The following PRMT2 variants were observed in gnomAD, a reference collection of about 807,000 sequenced individuals.
PRMT2 encodes the protein protein arginine N-methyltransferase 2.
PRMT2 carries 26 observed loss-of-function variants against 57.6 expected under a neutral mutation model. That is an observed-to-expected ratio of 0.45 (90% CI 0.33 to 0.63). The LOEUF is 0.63. Among genes scored for constraint, PRMT2 ranks in the 20% least tolerant of loss-of-function variants. The pLI is 0.02. For missense variants in PRMT2, 472 were observed against 564.4 expected (o/e 0.84, Z 1.66); for synonymous variants, 219 against 220.0 (o/e 1.00, Z 0.04).
At chr21:46,660,228 A>G (rs994389964) in intron 8 of PRMT2, 16 of 935,430 alleles carry the variant, frequency 1.7e-5, no homozygotes, top group Non-Finnish European at 2.0e-5. Flanking sequence ...GCAGCCAGTG[A>G]TGGGGGTTGG....
At chr21:46,647,285 C>G (rs191656630) in intron 5 of PRMT2, among the ~76,000 whole-genome samples, 9 of 150,916 alleles carry the variant, frequency 6.0e-5, no homozygotes, top group Admixed American at 4.0e-4. Flanking sequence ...TTTGTTGATT[C>G]GTGTGTTAAG....
At chr21:46,659,774 G>A in intron 8 of PRMT2, 1 of 985,422 alleles carries the variant, frequency 1.0e-6, no homozygotes, top group Non-Finnish European at 1.2e-6. Context: ...GAAGCCAGTG[G>A]CCGTCCAGAG....
rs1175412058 is a variant in PRMT2, at chr21:46,664,619, C to T, written c.*292C>T. 2.3e-5 allele frequency: 12 copies of T among 512,036 alleles called. No homozygotes were observed. Among genetic ancestry groups the T allele is most frequent in the African/African-American group, 3.8e-5 (2 of 52,070 alleles). The allele number at this position is 512,036 out of a possible 1,614,324, so 31.7% of individuals were successfully genotyped here. On this transcript the variant is annotated 3_prime_UTR_variant, in exon 12 of 12. Coordinates refer to ENST00000355680, the MANE Select transcript of PRMT2 (RefSeq NM_206962.4). ...CCACAGTGCCGACCCGTGGCTGGGT[C>T]GGAGCTCCATGTTCCTAAGCTAGGT...
At chr21:46,661,424 C>G in intron 9 of PRMT2, 1 of 172,868 alleles carries the variant, frequency 5.8e-6, no homozygotes, top group East Asian at 1.5e-4. Flanking sequence ...TGCCTGGCGC[C>G]CCAGCTGGCG....
At chr21:46,657,276 C>T (rs928756237) in intron 7 of PRMT2, 2 of 152,038 alleles carry the variant, frequency 1.3e-5, no homozygotes, top group Non-Finnish European at 2.9e-5. Flanking sequence ...TCACCTTATG[C>T]CCAGGAGTCC....
chr21:46,645,289 A>G (rs2061346468), intron 5 of PRMT2, among the ~76,000 whole-genome samples: 2 of 152,208 alleles, frequency 1.3e-5, no homozygotes, highest in Non-Finnish European at 2.9e-5. Flanking sequence ...AATAGAAAAA[A>G]TTCTATAAAT....
chr21:46,649,495 A>G lies in PRMT2; in HGVS notation c.490-80A>G. ...CTTGTGTCATTGACCATTTCTCGTG[A>G]TGCTGGTTGTGACTCAGGAGAGTAG... On this transcript the variant is annotated intron_variant, in intron 6 of 11. Coordinates refer to ENST00000355680, the MANE Select transcript of PRMT2 (RefSeq NM_206962.4). This position sits in a 1 kb window ranked among gnomAD's most constrained non-coding sequence, Gnocchi z 4.8. 6.2e-7 allele frequency: 1 copy of G among 1,602,454 alleles called. No individual in the cohort carries two copies. Among genetic ancestry groups the G allele is most frequent in the South Asian group, 1.1e-5 (1 of 90,660 alleles).
rs376594853 is a variant in PRMT2 at position 46,659,690 on chromosome 21, C to T, written c.830+770C>T. ...GGCAGGGAGGTGTGGCTGCCAGGGC[C>T]TTAGAGGTTGGCATCAGGCTGCCCA... On this transcript the variant is annotated intron_variant, in intron 8 of 11. Coordinates refer to ENST00000355680, the MANE Select transcript of PRMT2 (RefSeq NM_206962.4). The T allele has an allele frequency of 1.0e-4, 101 of 985,216 alleles. No individual in the cohort carries two copies. The East Asian group carries it at 7.0e-3, about 69-fold the overall frequency. 61.0% of individuals were successfully genotyped at this position (985,216 alleles called of 1,614,324 possible).
chr21:46,652,532 A>T, intron 7 of PRMT2: 1 of 985,438 alleles, frequency 1.0e-6, no homozygotes, highest in Non-Finnish European at 1.2e-6. Context: ...TTTGAAAGTA[A>T]CTGTAATAGT....
intron 7 of PRMT2, chr21:46,654,121 C>T: frequency 1.0e-6 from 1 of 985,236 alleles, no homozygotes; most frequent in Non-Finnish European, 1.2e-6. Context: ...AGACCAGGCA[C>T]CAAATTTTTT....
rs1483078533 is a variant in PRMT2 at position 46,644,336 on chromosome 21, A to C, written c.175A>C (p.Ile59Leu). 2.5e-6 allele frequency: 4 copies of C among 1,605,598 alleles called. No homozygotes were observed. ...TTTTTTGAGAGGAGAAAAAATTCTT[A>C]TCCTGAGACAAACCACTGCAGATTG... ...LSFLRGEKIL[I>L]LRQTTADWWW... is the part of the protein sequence containing the mutation. Residue 59 changes from isoleucine to leucine, a missense_variant, in exon 5 of 12, where the codon ATC becomes CTC. Physicochemically the swap from Ile to Leu is conservative, Grantham distance 5. This residue lies in a region of PRMT2 where 243 missense variants were observed against 347.2 expected (regional missense o/e 0.70). Coordinates refer to ENST00000355680, the MANE Select transcript of PRMT2 (RefSeq NM_206962.4).
intron 3 of PRMT2, among the ~76,000 whole-genome samples, chr21:46,641,783 C>A (rs944552223): frequency 2.0e-5 from 3 of 149,980 alleles, no homozygotes; most frequent in Admixed American, 6.7e-5. Flanking sequence ...GTGACATGGG[C>A]ATGGTGGAGG....
intron 7 of PRMT2, chr21:46,653,007 C>G: frequency 8.5e-7 from 1 of 1,182,576 alleles, no homozygotes; most frequent in Non-Finnish European, 1.1e-6. Context: ...CTCCATTGCA[C>G]ATTTGGTAGA....
chr21:46,641,123 C>CAAAA (rs55728457), intron 3 of PRMT2, among the ~76,000 whole-genome samples: 5,196 of 104,294 alleles, frequency 0.05, 300 homozygotes, highest in Non-Finnish European at 0.077. Context: ...GACCTCATCT[C>CAAAA]AAAAAAAAAA....
At chr21:46,641,350 G>T (rs1314276408) in intron 3 of PRMT2, among the ~76,000 whole-genome samples, 1 of 152,150 alleles carries the variant, frequency 6.6e-6, no homozygotes, top group African/African-American at 2.4e-5. Context: ...GTAAATCAGG[G>T]TTCTAACAGT....
intron 1 of PRMT2, chr21:46,636,117 T>C (rs2061166662): frequency 6.6e-6 from 1 of 152,530 alleles, no homozygotes; most frequent in South Asian, 2.0e-4. Context: ...CCTGACCCTC[T>C]CGTGCCCCTG....
chr21:46,658,568 TG>T, intron 7 of PRMT2, 176 bp from the exon 8 acceptor site: 1 of 1,135,076 alleles, frequency 8.8e-7, no homozygotes, highest in Non-Finnish European at 1.2e-6. Flanking sequence ...CAGTGACGTG[TG>T]GGCATAAAAT....
intron 9 of PRMT2, 150 bp from the exon 10 acceptor site, chr21:46,661,650 T>G: frequency 1.2e-5 from 8 of 694,928 alleles, no homozygotes; most frequent in South Asian, 6.9e-5. Context: ...ACGATGCGGG[T>G]TTTGGGGGTG....
At chr21:46,663,269 C>A in intron 10 of PRMT2, 114 bp from the exon 11 acceptor site, 1 of 1,029,036 alleles carries the variant, frequency 9.7e-7, no homozygotes, top group Non-Finnish European at 1.4e-6. Context: ...GGACTGCCGG[C>A]TGTGTGGGTG....
Sources: gnomAD v4.1 joint callset for allele counts (sites outside exome capture counted in the v4.1 genomes callset) on GRCh38, gnomAD v4.1.1 for gene constraint, gnomAD v4.1.1 regional missense constraint, Gnocchi (gnomAD v3.1) non-coding constraint, MANE v1.5 for transcripts, NCBI Gene and HGNC (gene_info 2026-07-23, HGNC 2026-07-21) for gene names.